Variants in BMP7 observed in about 807,000 individuals in gnomAD.
The protein encoded by BMP7 is osteogenic protein 1.
Under a neutral mutation model 41.2 loss-of-function variants are expected in BMP7, and 12 were observed. That is an observed-to-expected ratio of 0.29 (90% CI 0.19 to 0.47). The LOEUF (loss-of-function observed/expected upper bound fraction) is 0.47. Ranked by LOEUF, BMP7 falls within the 20% of genes least tolerant of loss-of-function variation. The probability of loss-of-function intolerance (pLI) is 0.99; values close to 1 mark genes in which losing one functional copy is unlikely to be tolerated. For synonymous variants in BMP7, 248 were observed against 250.0 expected, an observed-to-expected ratio of 0.99 and a Z score of 0.07; for missense variants, 467 against 606.0, an observed-to-expected ratio of 0.77 and a Z score of 2.41.
intron 3 of BMP7, 36 bp from the exon 4 acceptor site, chr20:57,183,955 T>G (rs759600066): frequency 6.2e-7 from 1 of 1,608,078 alleles, no homozygotes; most frequent in Non-Finnish European, 8.5e-7. Flanking sequence ...AGAAGAGTAG[T>G]TACAGGAGGG....
chr20:57,188,320 C>A lies in BMP7; in HGVS notation c.761-4401G>T, dbSNP rs75809999. On this transcript the variant is annotated intron_variant, in intron 3 of 6. Transcript: ENST00000395863. ...ATACAACACGGACAAACCTTCAACT[C>A]GTTACACGAAATGGAAGAAGCCAGA... Among the ~76,000 whole-genome samples, 1,087 of 152,254 alleles carry A rather than the reference C, an allele frequency of 7.1e-3. 19 individuals carry two copies. The highest frequency in any genetic ancestry group is 0.025 in the African/African-American group (1,030 of 41,532).
intron 1 of BMP7, among the ~76,000 whole-genome samples, chr20:57,245,859 C>T (rs1386230927): frequency 6.6e-6 from 1 of 151,382 alleles, no homozygotes; most frequent in African/African-American, 2.4e-5. Flanking sequence ...AGGATGGTCT[C>T]GATCTCCTGA....
intron 3 of BMP7, among the ~76,000 whole-genome samples, chr20:57,195,033 GGAGA>G (rs1161216873): frequency 1.3e-5 from 2 of 152,192 alleles, no homozygotes; most frequent in Non-Finnish European, 2.9e-5. Flanking sequence ...GGAGCCTGGT[GGAGA>G]TAGGACTCAG....
rs1175557525 is a variant in BMP7 at position 57,265,098 on chromosome 20, A to G, written c.418+607T>C. ...AGAAAAAAATAAACAAAGAAAGAAA[A>G]CAAAGAAAATTAGCAATGGCACCGT... On this transcript the variant is annotated intron_variant, in intron 1 of 6. Transcript: ENST00000395863. Among the ~76,000 whole-genome samples, 7 of 152,272 alleles carry G rather than the reference A, an allele frequency of 4.6e-5. No individual in the cohort carries two copies. The East Asian group carries it at 1.4e-3, about 29-fold the overall frequency.
intron 4 of BMP7, 33 bp downstream of exon 4, chr20:57,183,688 TG>T (rs1455583862): frequency 6.2e-7 from 1 of 1,612,550 alleles, no homozygotes; most frequent in African/African-American, 1.3e-5. Flanking sequence ...TGGGTTCCTG[TG>T]GTGGGTCTGT....
At chr20:57,186,321 G>A (rs921259191) in intron 3 of BMP7, among the ~76,000 whole-genome samples, 1 of 152,056 alleles carries the variant, frequency 6.6e-6, no homozygotes, top group African/African-American at 2.4e-5. Context: ...TGGGGTCCCG[G>A]AAAACAGGGG....
chr20:57,180,757 C>T (rs576043339), intron 4 of BMP7, among the ~76,000 whole-genome samples: 117 of 152,238 alleles, frequency 7.7e-4, no homozygotes, highest in Non-Finnish European at 1.2e-3. Context: ...AGAAAATATA[C>T]GGAATCCCTA....
At chr20:57,260,851 C>G (rs1036214413) in intron 1 of BMP7, among the ~76,000 whole-genome samples, 5 of 152,220 alleles carry the variant, frequency 3.3e-5, no homozygotes, top group South Asian at 2.1e-4. Context: ...ACAGCCCCCC[C>G]GCTAAGACTG....
At chr20:57,199,842 C>T (rs1161418796) in intron 3 of BMP7, among the ~76,000 whole-genome samples, 1 of 152,232 alleles carries the variant, frequency 6.6e-6, no homozygotes, top group Admixed American at 6.5e-5. Context: ...GCGCACAGCA[C>T]CTGGACAAGC....
chr20:57,264,486 T>C (rs1306611030), intron 1 of BMP7, among the ~76,000 whole-genome samples: 2 of 152,196 alleles, frequency 1.3e-5, no homozygotes, highest in African/African-American at 4.8e-5. Flanking sequence ...GGGGGTTAGT[T>C]TGAGCAAGTC....
chr20:57,195,793 C>T (rs920823521), intron 3 of BMP7, among the ~76,000 whole-genome samples: 5 of 152,316 alleles, frequency 3.3e-5, no homozygotes, highest in East Asian at 1.9e-4. Context: ...AAGTAAGACA[C>T]GTGCTCTCGT....
In BMP7 at chr20:57,215,287, G is replaced by A. The variant is rs1021728183; in HGVS notation, c.612-12664C>T. On this transcript the variant is annotated intron_variant, in intron 2 of 6. Coordinates refer to ENST00000395863, the MANE Select transcript of BMP7 (RefSeq NM_001719.3). The surrounding 1 kb of genome is among the most constrained non-coding windows in gnomAD (Gnocchi z 4.2). ...AGGCTGCATGGGCTTCCGGTTGAGT[G>A]CCCCCATTTACTGTCCCCATCACCT... is the stretch of plus-strand genomic sequence containing the variant. Among the ~76,000 whole-genome samples, 2 of 152,184 alleles carry A rather than the reference G, an allele frequency of 1.3e-5. No homozygotes were observed. Among genetic ancestry groups the A allele is most frequent in the Admixed American group, 1.3e-4 (2 of 15,282 alleles).
At chr20:57,231,532 G>C (rs923702272) in intron 1 of BMP7, among the ~76,000 whole-genome samples, 17 of 152,202 alleles carry the variant, frequency 1.1e-4, no homozygotes, top group Admixed American at 6.5e-4. Flanking sequence ...GCACAGTCTT[G>C]GGACAACTCA....
intron 2 of BMP7, among the ~76,000 whole-genome samples, chr20:57,227,392 A>G: frequency 1.3e-5 from 1 of 78,948 alleles, no homozygotes. Flanking sequence ...CCCCACCCCC[A>G]CCCCCCACCA....
chr20:57,252,966 C>G (rs1376856003), intron 1 of BMP7, among the ~76,000 whole-genome samples: 1 of 152,170 alleles, frequency 6.6e-6, no homozygotes, highest in Non-Finnish European at 1.5e-5. Context: ...CACAGGACAG[C>G]TCCCAGCAGA....
At chr20:57,262,289 G>A (rs534510950) in intron 1 of BMP7, among the ~76,000 whole-genome samples, 1 of 152,232 alleles carries the variant, frequency 6.6e-6, no homozygotes, top group African/African-American at 2.4e-5. Context: ...AGGAGTCGGG[G>A]TTGTTAATCC....
At chr20:57,235,263 G>A (rs895230000) in intron 1 of BMP7, among the ~76,000 whole-genome samples, 1 of 152,190 alleles carries the variant, frequency 6.6e-6, no homozygotes, top group Non-Finnish European at 1.5e-5. Flanking sequence ...ATAGTCATTT[G>A]GGGAGTTTCC....
chr20:57,242,774 G>A (rs1409642966), intron 1 of BMP7, among the ~76,000 whole-genome samples: 3 of 151,572 alleles, frequency 2.0e-5, no homozygotes, highest in Non-Finnish European at 2.9e-5. Flanking sequence ...AGGGCAAGGT[G>A]GGTGGATCAC....
chr20:57,212,785 C>G (rs538641884), intron 2 of BMP7, among the ~76,000 whole-genome samples: 1 of 152,288 alleles, frequency 6.6e-6, no homozygotes, highest in African/African-American at 2.4e-5. Flanking sequence ...ATCAAAGGAG[C>G]CCAGAAGGAA....
Sources: gnomAD v4.1 joint callset for allele counts (sites outside exome capture counted in the v4.1 genomes callset) on GRCh38, gnomAD v4.1.1 for gene constraint, Gnocchi (gnomAD v3.1) non-coding constraint, MANE v1.5 for transcripts, NCBI Gene and HGNC (gene_info 2026-07-23, HGNC 2026-07-21) for gene names.